ERBB4: variants seen among roughly 807,000 people sequenced by gnomAD.
ERBB4 encodes erb-b2 receptor tyrosine kinase 4.
A neutral mutation model predicts 158.0 loss-of-function variants in ERBB4; 42 were observed. The ratio of observed to expected loss-of-function variants is 0.27; its 90% CI spans 0.21 to 0.34. ERBB4 has a LOEUF of 0.34. Among genes scored for constraint, ERBB4 ranks in the 10% least tolerant of loss-of-function variants. The pLI is 1.00. For missense variants in ERBB4, 1,333 were observed against 1,624.1 expected, an observed-to-expected ratio of 0.82 and a Z score of 3.08; for synonymous variants, 583 against 558.7, an observed-to-expected ratio of 1.04 and a Z score of -0.61.
At chr2:211,864,284 T>A (rs183233483) in intron 3 of ERBB4, among the ~76,000 whole-genome samples, 1 of 152,286 alleles carries the variant, frequency 6.6e-6, no homozygotes, top group African/African-American at 2.4e-5. Context: ...ATCCTCAGAC[T>A]GGGTGGGAGC....
At chr2:212,412,038 A>AT (rs1466194216) in intron 1 of ERBB4, among the ~76,000 whole-genome samples, 1 of 152,082 alleles carries the variant, frequency 6.6e-6, no homozygotes, top group African/African-American at 2.4e-5. Flanking sequence ...TCTTTCTCAC[A>AT]TATCAGTCCA....
chr2:211,911,252 A>G (rs1272730011), intron 3 of ERBB4, among the ~76,000 whole-genome samples: 1 of 152,126 alleles, frequency 6.6e-6, no homozygotes, highest in East Asian at 1.9e-4. Context: ...GGACATCTTC[A>G]TTCTGCTACT....
intron 7 of ERBB4, among the ~76,000 whole-genome samples, chr2:211,714,139 T>C (rs760211590): frequency 1.3e-5 from 2 of 152,206 alleles, no homozygotes; most frequent in Non-Finnish European, 2.9e-5. Context: ...CATATTTTTA[T>C]ACGAAGAAAC....
At chr2:211,743,974 G>T (rs1057490038) in intron 5 of ERBB4, among the ~76,000 whole-genome samples, 5 of 152,302 alleles carry the variant, frequency 3.3e-5, no homozygotes, top group Middle Eastern at 6.8e-3. Flanking sequence ...ATAAATTCAT[G>T]ATGTTTTAGA....
chr2:212,161,223 T>A (rs1000392134), intron 1 of ERBB4, among the ~76,000 whole-genome samples: 30 of 151,938 alleles, frequency 2.0e-4, no homozygotes, highest in African/African-American at 7.0e-4. Context: ...TCTCTTTCAC[T>A]CATCTATCCT....
At chr2:212,068,228 A>G (rs2078001520) in intron 2 of ERBB4, among the ~76,000 whole-genome samples, 1 of 152,040 alleles carries the variant, frequency 6.6e-6, no homozygotes, top group African/African-American at 2.4e-5. Flanking sequence ...ACAAAAACTC[A>G]AAGACACAGG....
intron 1 of ERBB4, among the ~76,000 whole-genome samples, chr2:212,336,438 C>T (rs149348744): frequency 6.6e-6 from 1 of 151,946 alleles, no homozygotes; most frequent in Non-Finnish European, 1.5e-5. Flanking sequence ...CAAAACTCTG[C>T]CAATTATATA....
At chr2:211,680,423 T>C (rs1441278844) in intron 12 of ERBB4, among the ~76,000 whole-genome samples, 1 of 152,176 alleles carries the variant, frequency 6.6e-6, no homozygotes, top group East Asian at 1.9e-4. Context: ...ATAATAATTC[T>C]AAAGAAGATT....
In ERBB4 at chr2:211,898,166, T is replaced by C. The variant is rs368795386; in HGVS notation, c.421+49264A>G. 2.0e-5 allele frequency among the ~76,000 whole-genome samples: 3 copies of C among 152,044 alleles called. No individual in the cohort carries two copies. In the East Asian group the frequency reaches 5.8e-4, roughly 29 times the overall value. On this transcript the variant is annotated intron_variant, in intron 3 of 27. Coordinates refer to ENST00000342788, the MANE Select transcript of ERBB4 (RefSeq NM_005235.3). ...GCTTTCGAAAGCCTAAAAAAGATAT[T>C]ATAATATTTATTTTTATTTTCCATT...
chr2:211,464,860 A>C (rs1195186044), intron 20 of ERBB4, among the ~76,000 whole-genome samples: 1 of 152,058 alleles, frequency 6.6e-6, no homozygotes, highest in African/African-American at 2.4e-5. Context: ...GTTAGAACTT[A>C]GCCAGGAGAC....
At chr2:211,785,917 C>A (rs983499003) in intron 4 of ERBB4, among the ~76,000 whole-genome samples, 1 of 151,978 alleles carries the variant, frequency 6.6e-6, no homozygotes, top group Non-Finnish European at 1.5e-5. Flanking sequence ...GTTTTGTGCT[C>A]ATTTTTTCTT....
chr2:211,898,132 TAGTC>T (rs1329156091), intron 3 of ERBB4, among the ~76,000 whole-genome samples: 3 of 152,010 alleles, frequency 2.0e-5, no homozygotes, highest in South Asian at 2.1e-4. Flanking sequence ...TTTTAAGAGT[TAGTC>T]AGTAGCTTTC....
chr2:212,448,383 G>A (rs1295827678), intron 1 of ERBB4, among the ~76,000 whole-genome samples: 4 of 151,976 alleles, frequency 2.6e-5, no homozygotes, highest in East Asian at 1.9e-4. Flanking sequence ...GATTCATTTC[G>A]GCCTTACATT....
chr2:211,701,975 T>C lies in ERBB4; in HGVS notation c.1481A>G (p.Glu494Gly), dbSNP rs2073271043. Reference sequence around the variant, plus strand: ...CTGAGTAATGTACTTACTACAATTTTCAGCTTTTCTGTTGTCCCGGATTAC... The same window carrying C: ...CTGAGTAATGTACTTACTACAATTTCCAGCTTTTCTGTTGTCCCGGATTAC... ...RIVIRDNRKA[E>G]NCTAEGMVCN... is the part of the protein sequence containing the mutation. The change falls in exon 12 of 28, where the codon GAA (glutamate) becomes GGA (glycine). Residue 494 changes from glutamate (E) to glycine (G), a missense_variant. Transcript: ENST00000342788. 6.2e-7 allele frequency: 1 copy of C among 1,612,286 alleles called. No individual in the cohort carries two copies. The highest frequency in any genetic ancestry group is 1.3e-5 in the African/African-American group (1 of 74,878).
chr2:212,484,863 T>C (rs778215782), intron 1 of ERBB4, among the ~76,000 whole-genome samples: 70 of 152,186 alleles, frequency 4.6e-4, no homozygotes, highest in Non-Finnish European at 8.4e-4. Flanking sequence ...CCCTGCTGCC[T>C]GGAATGTTGT....
At chr2:211,846,397 G>A (rs2077590406) in intron 3 of ERBB4, among the ~76,000 whole-genome samples, 1 of 151,932 alleles carries the variant, frequency 6.6e-6, no homozygotes, top group Non-Finnish European at 1.5e-5. Flanking sequence ...TTAAATCTGG[G>A]CTTTATTCAA....
At chr2:212,260,130 C>A (rs1462725252) in intron 1 of ERBB4, among the ~76,000 whole-genome samples, 1 of 150,634 alleles carries the variant, frequency 6.6e-6, no homozygotes, top group East Asian at 1.9e-4. Context: ...ATGAAACAAA[C>A]TCTCCTTTAT....
rs1401100695 is a variant in ERBB4, at chr2:211,383,790, C to T, written c.3752G>A (p.Ser1251Asn). 2 of 1,614,082 alleles carry T rather than the reference C, an allele frequency of 1.2e-6. No individual in the cohort carries two copies. Among genetic ancestry groups the T allele is most frequent in the South Asian group, 2.2e-5 (2 of 91,080 alleles). ...DYWNHSLPPR[S>N]TLQHPDYLQE... ...CAGGTAGTCTGGGTGCTGAAGGGTG[C>T]TCCGAGGTGGCAGGCTGTGGTTCCA... Residue 1251 changes from serine (S) to asparagine (N), a missense_variant, in exon 28 of 28, where the codon AGC becomes AAC. Transcript: ENST00000342788.
intron 3 of ERBB4, among the ~76,000 whole-genome samples, chr2:211,931,520 C>G (rs954389632): frequency 2.0e-5 from 3 of 151,594 alleles, no homozygotes; most frequent in Non-Finnish European, 4.4e-5. Flanking sequence ...TTGTTCTAAG[C>G]AGAAAACTTG....
Sources: allele counts gnomAD v4.1 joint callset (sites outside exome capture counted in the v4.1 genomes callset), GRCh38; gene constraint gnomAD v4.1.1; transcripts MANE v1.5; gene names NCBI Gene and HGNC (gene_info 2026-07-23, HGNC 2026-07-21).